ACAD11: variants seen among roughly 807,000 people sequenced by gnomAD.
ACAD11 encodes acyl-Coenzyme A dehydrogenase family, member 11.
ACAD11 carries 83 observed loss-of-function variants against 102.2 expected under a neutral mutation model. That is an observed-to-expected ratio of 0.81 (90% CI 0.68 to 0.97). ACAD11 has a LOEUF of 0.97. Ranked by LOEUF, ACAD11 falls within the 50% of genes least tolerant of loss-of-function variation. The pLI is 0.00. For missense variants in ACAD11, 901 were observed against 951.7 expected (o/e 0.95, Z 0.70); for synonymous variants, 324 against 319.8 (o/e 1.01, Z -0.14).
chr3:132,641,668 AGAAGAGGAAGAG>A (rs141782699), intron 4 of ACAD11, among the ~76,000 whole-genome samples: 14 of 139,996 alleles, frequency 1.0e-4, no homozygotes, highest in African/African-American at 2.0e-4. Context: ...AAGAGGAGGA[AGAAGAGGAAGAG>A]GAAGAGGAAG....
intron 17 of ACAD11, 113 bp from the exon 18 acceptor site, chr3:132,561,330 C>T (rs1296229361): frequency 1.4e-5 from 11 of 784,248 alleles, no homozygotes; most frequent in Non-Finnish European, 2.2e-5. Context: ...AGAGATTGTT[C>T]ACAAGCTTTA....
At chr3:132,621,906 G>A (rs1056124518) in intron 9 of ACAD11, among the ~76,000 whole-genome samples, 42 of 149,946 alleles carry the variant, frequency 2.8e-4, no homozygotes, top group African/African-American at 1.0e-3. Context: ...TTGAACCCAG[G>A]AAGCAGAGGT....
intron 1 of ACAD11, among the ~76,000 whole-genome samples, chr3:132,647,867 T>C (rs1453342572): frequency 6.6e-6 from 1 of 152,182 alleles, no homozygotes; most frequent in African/African-American, 2.4e-5. Context: ...AGATTCAGTG[T>C]CTGGTGAGGA....
At chr3:132,566,716 T>G (rs1019052202) in intron 17 of ACAD11, among the ~76,000 whole-genome samples, 2 of 152,056 alleles carry the variant, frequency 1.3e-5, no homozygotes, top group African/African-American at 2.4e-5. Flanking sequence ...AATAAGACAT[T>G]CTTAGAAGAA....
intron 5 of ACAD11, among the ~76,000 whole-genome samples, chr3:132,637,668 A>G (rs904431401): frequency 1.3e-5 from 2 of 152,204 alleles, no homozygotes; most frequent in African/African-American, 4.8e-5. Flanking sequence ...AACATTTTCC[A>G]GGAAAACTGG....
rs1433887857 is a variant in ACAD11, at chr3:132,560,211, C to T, written c.2119-269G>A. Among the ~76,000 whole-genome samples, 3 of 152,152 alleles carry T rather than the reference C, an allele frequency of 2.0e-5. 1 individual carries two copies. Among genetic ancestry groups the T allele is most frequent in the Non-Finnish European group, 4.4e-5 (3 of 68,002 alleles). ...AGGATTTCAGGCAGCTGATAAATCA[C>T]ACTCATCACCTTAGGGATCATAAAA... On this transcript the variant is annotated intron_variant, in intron 18 of 19. Transcript: ENST00000264990.
intron 5 of ACAD11, among the ~76,000 whole-genome samples, chr3:132,637,677 G>A (rs1341931832): frequency 1.3e-5 from 2 of 152,100 alleles, no homozygotes; most frequent in African/African-American, 4.8e-5. Flanking sequence ...CAGGAAAACT[G>A]GATTTCTTTT....
intron 17 of ACAD11, 70 bp downstream of exon 17, chr3:132,575,702 G>T: frequency 6.4e-7 from 1 of 1,570,748 alleles, no homozygotes; most frequent in Non-Finnish European, 8.7e-7. Context: ...TCTCTCACAA[G>T]TAATGTTTTT....
rs140846310 is a variant in ACAD11, at chr3:132,599,616, AGAAGACAGATTCAAGACCTACTTG to A, written c.1621+3589_1621+3612del. ...GTGTGGAAGAGTGCAGATTAAGAGG[AGAAGACAGATTCAAGACCTACTTG>A]GAAGGCAGAATCAGAACTTGGGAAC... On this transcript the variant is annotated intron_variant, in intron 13 of 19. Transcript: ENST00000264990. Among the ~76,000 whole-genome samples the A allele has an allele frequency of 5.9e-3, 896 of 152,308 alleles. 7 individuals carry two copies. The highest frequency in any genetic ancestry group is 0.02 in the African/African-American group (837 of 41,582).
intron 13 of ACAD11, 59 bp from the exon 14 acceptor site, chr3:132,579,617 C>T: frequency 7.1e-7 from 1 of 1,398,818 alleles, no homozygotes; most frequent in East Asian, 2.3e-5. Context: ...TGACATTTCA[C>T]CTTGAAGGTT....
chr3:132,590,690 TA>T (rs1284918792), intron 13 of ACAD11, among the ~76,000 whole-genome samples: 1 of 152,254 alleles, frequency 6.6e-6, no homozygotes, highest in East Asian at 1.9e-4. Flanking sequence ...GACTTTTTAA[TA>T]ATAGCCATCC....
intron 9 of ACAD11, chr3:132,621,410 C>T (rs1352775772): frequency 6.6e-6 from 1 of 152,178 alleles, no homozygotes; most frequent in Admixed American, 6.5e-5. Context: ...GGGATAATAG[C>T]TTCAATTGCT....
At position 132,625,388 on chromosome 3, in the gene ACAD11, T is replaced by C. The variant is rs549135852; in HGVS notation, c.1197+1303A>G. On this transcript the variant is annotated intron_variant, in intron 9 of 19. Coordinates refer to ENST00000264990, the MANE Select transcript of ACAD11 (RefSeq NM_032169.5). ...ATAAAAAAACTTATTATTTATTAAATTGGATTTTATTTGAGGGAGGGGAGG... is the reference window on the plus strand; with the variant it reads ...ATAAAAAAACTTATTATTTATTAAACTGGATTTTATTTGAGGGAGGGGAGG... Among the ~76,000 whole-genome samples the C allele has an allele frequency of 1.7e-3, 265 of 152,298 alleles. 1 individual carries two copies. Among genetic ancestry groups the C allele is most frequent in the African/African-American group, 6.3e-3 (260 of 41,576 alleles).
At chr3:132,612,192 A>G (rs1939184398) in intron 11 of ACAD11, among the ~76,000 whole-genome samples, 1 of 152,056 alleles carries the variant, frequency 6.6e-6, no homozygotes, top group Non-Finnish European at 1.5e-5. Flanking sequence ...CTGAAACTGG[A>G]TCCCTTCTTT....
chr3:132,558,984 G>A lies in ACAD11; in HGVS notation c.2330C>T (p.Thr777Ile), dbSNP rs1431845598. 6.8e-6 allele frequency: 11 copies of A among 1,612,930 alleles called. No individual in the cohort carries two copies. Among genetic ancestry groups the A allele is most frequent in the Non-Finnish European group, 9.3e-6 (11 of 1,179,186 alleles). The change falls in exon 20 of 20, where the codon ACA becomes ATA. Residue 777 changes from threonine (T) to isoleucine (I), a missense_variant. Physicochemically the swap from Thr to Ile is moderately conservative, Grantham distance 89. Transcript: ENST00000264990. ...MELRDQAKRL[T>I]AKI ...GTGCCACCCTCCTTATATCTTGGCT[G>A]TCAGTCTTTTGGCTTGGTCCCGCAG...
Position 132,641,966 on chromosome 3 carries a change from C to G in ACAD11, c.537+6G>C. 6.3e-7 allele frequency: 1 copy of G among 1,593,268 alleles called. No homozygotes were observed. The highest frequency in any genetic ancestry group is 8.6e-7 in the Non-Finnish European group (1 of 1,167,398). ...AAAAAAATAGCTATTAATGTGGATG[C>G]ATTACCTGTCTTTTGCAGTACCCAG... On this transcript the variant is annotated splice_donor_region_variant and intron_variant, in intron 4 of 19. Transcript: ENST00000264990.
At position 132,574,048 on chromosome 3, in the gene ACAD11, A is replaced by C. The variant is rs575765219; in HGVS notation, c.2001+1724T>G. 2.6e-5 allele frequency among the ~76,000 whole-genome samples: 4 copies of C among 152,362 alleles called. No homozygotes were observed. In the East Asian group the frequency reaches 7.7e-4, roughly 29 times the overall value. The stretch of plus-strand genomic sequence containing the variant: ...CCAGTGAAAACAGGCATATTTGTTA[A>C]AAAGCCAGGCTTGCTCTGCATGACA... On this transcript the variant is annotated intron_variant, in intron 17 of 19. Transcript: ENST00000264990.
chr3:132,594,735 G>A (rs546342257), intron 13 of ACAD11, among the ~76,000 whole-genome samples: 1 of 152,272 alleles, frequency 6.6e-6, no homozygotes, highest in African/African-American at 2.4e-5. Context: ...AATAGGGTGG[G>A]AAGAGTGCTC....
rs1938026028 is a variant in ACAD11 at position 132,659,698 on chromosome 3, G to A, written c.54C>T (p.His18=). The A allele has an allele frequency of 6.2e-7, 1 of 1,611,468 alleles. No individual in the cohort carries two copies. The change falls in exon 1 of 20, where the codon CAC becomes CAT. Residue 18 remains histidine, a synonymous_variant. Transcript: ENST00000264990. ...CCTCCAGGGACTTGCTGTCGAACTTGTGCTGGGGCAGCACTTCGGCCAAAT... is the reference window on the plus strand; with the variant it reads ...CCTCCAGGGACTTGCTGTCGAACTTATGCTGGGGCAGCACTTCGGCCAAAT... ...ESDLAEVLPQ[H]KFDSKSLEAY... is the part of the protein sequence containing the mutation.
Sources: gnomAD v4.1 joint callset for allele counts (sites outside exome capture counted in the v4.1 genomes callset) on GRCh38, gnomAD v4.1.1 for gene constraint, MANE v1.5 for transcripts, NCBI Gene and HGNC (gene_info 2026-07-23, HGNC 2026-07-21) for gene names.